The following COX7B2 variants were observed in gnomAD, a reference collection of about 807,000 sequenced individuals.
COX7B2 encodes cytochrome c oxidase subunit 7B2, mitochondrial.
For synonymous variants in COX7B2, 37 were observed against 32.1 expected, an observed-to-expected ratio of 1.15 and a Z score of -0.51; for missense variants, 109 against 95.9, an observed-to-expected ratio of 1.14 and a Z score of -0.57.
At chr4:46,807,988 AT>A (rs1460376567) in intron 2 of COX7B2, among the ~76,000 whole-genome samples, 41 of 151,872 alleles carry the variant, frequency 2.7e-4, no homozygotes, top group African/African-American at 9.2e-4. Flanking sequence ...CTTTCTCAGA[AT>A]TGCTTTGGCA....
intron 2 of COX7B2, among the ~76,000 whole-genome samples, chr4:46,827,307 G>A (rs946322543): frequency 3.3e-5 from 5 of 151,774 alleles, no homozygotes; most frequent in East Asian, 3.9e-4. Flanking sequence ...AATCACAACC[G>A]AGAAACTCAT....
At chr4:46,757,024 T>G (rs545132939) in intron 2 of COX7B2, among the ~76,000 whole-genome samples, 1 of 152,214 alleles carries the variant, frequency 6.6e-6, no homozygotes, top group Non-Finnish European at 1.5e-5. Flanking sequence ...AGCAAAAATA[T>G]GGATGGAATC....
intron 2 of COX7B2, among the ~76,000 whole-genome samples, chr4:46,804,237 C>T (rs759332325): frequency 3.0e-4 from 45 of 152,068 alleles, no homozygotes; most frequent in Non-Finnish European, 6.3e-4. Context: ...AAAGGTAGTG[C>T]GGACCCAAAG....
intron 2 of COX7B2, among the ~76,000 whole-genome samples, chr4:46,815,736 C>T (rs1029798198): frequency 6.6e-6 from 1 of 152,032 alleles, no homozygotes; most frequent in Non-Finnish European, 1.5e-5. Flanking sequence ...TTAAAACTGT[C>T]CCTGGAAGTG....
At chr4:46,839,459 C>A (rs549273028) in intron 2 of COX7B2, among the ~76,000 whole-genome samples, 2 of 152,024 alleles carry the variant, frequency 1.3e-5, no homozygotes, top group African/African-American at 4.8e-5. Context: ...GCTCAAAGTC[C>A]CCTAGATTGA....
At chr4:46,897,798 C>T (rs1163084315) in intron 1 of COX7B2, among the ~76,000 whole-genome samples, 1 of 152,184 alleles carries the variant, frequency 6.6e-6, no homozygotes, top group Non-Finnish European at 1.5e-5. Flanking sequence ...CCACTAAACA[C>T]CTCACCCCTA....
chr4:46,754,204 C>T (rs1289645400), intron 2 of COX7B2, among the ~76,000 whole-genome samples: 1 of 151,938 alleles, frequency 6.6e-6, no homozygotes, highest in Non-Finnish European at 1.5e-5. Flanking sequence ...CCAGCCATCC[C>T]ATTACTAGGT....
chr4:46,860,626 G>A (rs1185269441), intron 1 of COX7B2, among the ~76,000 whole-genome samples: 1 of 152,086 alleles, frequency 6.6e-6, no homozygotes, highest in Non-Finnish European at 1.5e-5. Context: ...CATAGTTTGG[G>A]TGCCCTAGAC....
At chr4:46,802,206 T>C (rs1280485290) in intron 2 of COX7B2, among the ~76,000 whole-genome samples, 2 of 152,130 alleles carry the variant, frequency 1.3e-5, no homozygotes, top group Non-Finnish European at 2.9e-5. Flanking sequence ...AAAGAGACTT[T>C]GCTTCCTACC....
chr4:46,884,124 T>C (rs1006635939), intron 1 of COX7B2, among the ~76,000 whole-genome samples: 8 of 146,300 alleles, frequency 5.5e-5, no homozygotes, highest in African/African-American at 1.8e-4. Context: ...CTTCAATAAC[T>C]AGCCCAAGAG....
intron 2 of COX7B2, among the ~76,000 whole-genome samples, chr4:46,783,385 A>G (rs1173963859): frequency 6.6e-6 from 1 of 152,204 alleles, no homozygotes; most frequent in Admixed American, 6.5e-5. Context: ...TCATTTCATA[A>G]CAGGGGTCCT....
intron 1 of COX7B2, among the ~76,000 whole-genome samples, chr4:46,890,000 C>T (rs1288904308): frequency 6.6e-6 from 1 of 151,654 alleles, no homozygotes; most frequent in African/African-American, 2.4e-5. Context: ...TATATGCCAG[C>T]ATCCTGAATG....
At chr4:46,742,920 G>A (rs1303037087) in intron 2 of COX7B2, among the ~76,000 whole-genome samples, 2 of 152,116 alleles carry the variant, frequency 1.3e-5, no homozygotes, top group African/African-American at 2.4e-5. Flanking sequence ...AATAATCACA[G>A]TGTTCATTTA....
At position 46,905,632 on chromosome 4, in the gene COX7B2, T is replaced by C. The variant is rs1034983931; in HGVS notation, c.-105+3528A>G. ...GACATTCCTGCCTTACAGAAAAGTT[T>C]AAAAATTTCTAATCAAGTTCACCAG... On this transcript the variant is annotated intron_variant, in intron 1 of 2. Transcript: ENST00000355591. Among the ~76,000 whole-genome samples the C allele has an allele frequency of 1.3e-4, 20 of 152,140 alleles. 1 individual carries two copies. Among genetic ancestry groups the C allele is most frequent in the African/African-American group, 4.8e-4 (20 of 41,440 alleles).
chr4:46,822,890 A>G (rs1714403512), intron 2 of COX7B2, among the ~76,000 whole-genome samples: 1 of 152,242 alleles, frequency 6.6e-6, no homozygotes. Context: ...AACAAAAAAC[A>G]AAAACAAAAC....
intron 1 of COX7B2, among the ~76,000 whole-genome samples, chr4:46,902,684 C>G (rs186979252): frequency 1.3e-5 from 2 of 152,270 alleles, no homozygotes; most frequent in Admixed American, 1.3e-4. Context: ...ATTCTACAGC[C>G]TGGCCAGCAT....
chr4:46,759,357 T>C (rs911579288), intron 2 of COX7B2, among the ~76,000 whole-genome samples: 3 of 151,972 alleles, frequency 2.0e-5, no homozygotes, highest in Admixed American at 1.3e-4. Context: ...AATATTTATA[T>C]GAACAAGAAA....
chr4:46,779,037 G>C (rs1391076776), intron 2 of COX7B2, among the ~76,000 whole-genome samples: 1 of 152,172 alleles, frequency 6.6e-6, no homozygotes, highest in Non-Finnish European at 1.5e-5. Context: ...TTGACAAAGA[G>C]TGTGGCTTTA....
At chr4:46,838,544 C>G (rs982061833) in intron 2 of COX7B2, among the ~76,000 whole-genome samples, 4 of 152,004 alleles carry the variant, frequency 2.6e-5, no homozygotes, top group Non-Finnish European at 5.9e-5. Context: ...GGTCATGCAT[C>G]AAAGCATAAC....
Sources: allele counts gnomAD v4.1 joint callset (sites outside exome capture counted in the v4.1 genomes callset), GRCh38; gene constraint gnomAD v4.1.1; transcripts MANE v1.5; gene names NCBI Gene and HGNC (gene_info 2026-07-23, HGNC 2026-07-21).